The following ZC3H12B variants were observed in gnomAD, a reference collection of about 807,000 sequenced individuals.
ZC3H12B encodes the protein zinc finger CCCH-type containing 12B, also known as probable ribonuclease ZC3H12B.
In ZC3H12B, 7 loss-of-function variants were observed where a neutral mutation model predicts 43.9. The observed-to-expected ratio is 0.16, with a 90% CI of 0.09 to 0.30. ZC3H12B has a LOEUF of 0.30. Ranked by LOEUF, ZC3H12B falls within the 10% of genes least tolerant of loss-of-function variation. ZC3H12B has a pLI of 1.00. For synonymous variants in ZC3H12B, 222 were observed against 241.7 expected (o/e 0.92, Z 0.76); for missense variants, 475 against 670.2 (o/e 0.71, Z 3.22).
At chrX:65,177,601 G>A in the ZC3H12B span, among the ~76,000 whole-genome samples, 1 of 112,114 alleles carries the variant, frequency 8.9e-6, no homozygotes, top group South Asian at 3.7e-4. Flanking sequence ...CAAAATCAAT[G>A]TGCAAAAATC....
the ZC3H12B span, among the ~76,000 whole-genome samples, chrX:65,179,776 G>A: frequency 7.1e-4 from 79 of 111,591 alleles, no homozygotes; most frequent in African/African-American, 2.4e-3. Context: ...ATAAATATCT[G>A]GACATATACT....
At chrX:65,279,822 T>A in the ZC3H12B span, among the ~76,000 whole-genome samples, 2 of 111,991 alleles carry the variant, frequency 1.8e-5, no homozygotes, top group Non-Finnish European at 3.8e-5. Context: ...AAACTATGCA[T>A]CTTACAAAGG....
the ZC3H12B span, among the ~76,000 whole-genome samples, chrX:65,207,255 C>T: frequency 1.9e-5 from 2 of 107,196 alleles, no homozygotes; most frequent in African/African-American, 3.4e-5. Flanking sequence ...TATATATACA[C>T]ACACACACAC....
At chrX:65,116,401 G>C in the ZC3H12B span, among the ~76,000 whole-genome samples, 1 of 110,878 alleles carries the variant, frequency 9.0e-6, no homozygotes, top group Non-Finnish European at 1.9e-5. Flanking sequence ...TGTTCCATTG[G>C]TCTATGTGCC....
the ZC3H12B span, chrX:65,357,155 C>A: frequency 2.0e-5 from 9 of 456,029 alleles, no homozygotes; most frequent in Non-Finnish European, 3.2e-5. Context: ...CCTGAGGAGG[C>A]CATTTCTTCA....
chrX:65,212,322 T>TATATAATATATAATATAATTATTATA, the ZC3H12B span, among the ~76,000 whole-genome samples: 1 of 11,083 alleles, frequency 9.0e-5, no homozygotes, highest in Non-Finnish European at 1.6e-4. Context: ...ATTATTATAT[T>TATATAATATATAATATAATTATTATA]TATATTATAT....
chrX:65,146,728 C>G, the ZC3H12B span, among the ~76,000 whole-genome samples: 1 of 111,543 alleles, frequency 9.0e-6, no homozygotes, highest in Admixed American at 9.5e-5. Context: ...ATTATTATCT[C>G]TCCCCTGGAT....
At chrX:65,312,443 A>T in the ZC3H12B span, among the ~76,000 whole-genome samples, 1 of 109,886 alleles carries the variant, frequency 9.1e-6, no homozygotes, top group East Asian at 2.9e-4. Flanking sequence ...ACAGTAATGA[A>T]TCTGCACCTC....
chrX:65,318,377 C>CT, the ZC3H12B span, among the ~76,000 whole-genome samples: 1 of 106,844 alleles, frequency 9.4e-6, no homozygotes, highest in Non-Finnish European at 1.9e-5. Context: ...CTTCTTCCTT[C>CT]TTTTTCCTTC....
the ZC3H12B span, among the ~76,000 whole-genome samples, chrX:65,080,389 C>T: frequency 3.2e-4 from 35 of 109,292 alleles, no homozygotes; most frequent in Non-Finnish European, 4.0e-4. Context: ...TTATAGAACA[C>T]CAAGAAGATT....
At chrX:65,311,816 A>T in the ZC3H12B span, among the ~76,000 whole-genome samples, 1 of 111,723 alleles carries the variant, frequency 9.0e-6, no homozygotes, top group Non-Finnish European at 1.9e-5. Context: ...ATGCAGCCAT[A>T]AAAAAGGATG....
chrX:65,378,997 C>A (rs368786360), intron 2 of ZC3H12B, among the ~76,000 whole-genome samples: 3 of 112,183 alleles, frequency 2.7e-5, no homozygotes, highest in African/African-American at 9.7e-5. Context: ...CAGCAGTCTG[C>A]GATCAAACTG....
At chrX:65,067,205 C>T in the ZC3H12B span, among the ~76,000 whole-genome samples, 1 of 107,926 alleles carries the variant, frequency 9.3e-6, no homozygotes, top group Middle Eastern at 4.7e-3. Context: ...AAAACTCGTG[C>T]AGCTAACTCA....
chrX:65,412,560 G>T (rs1054614096), intron 3 of ZC3H12B, among the ~76,000 whole-genome samples: 2 of 111,200 alleles, frequency 1.8e-5, no homozygotes, highest in South Asian at 7.6e-4. Flanking sequence ...CTTGACCTCC[G>T]GGGCTCAATT....
the ZC3H12B span, among the ~76,000 whole-genome samples, chrX:65,213,622 T>C: frequency 1.8e-5 from 2 of 111,159 alleles, no homozygotes; most frequent in Non-Finnish European, 3.8e-5. Context: ...TTCTAGTTTT[T>C]TCTAGTCAGA....
intron 2 of ZC3H12B, among the ~76,000 whole-genome samples, chrX:65,370,213 G>A (rs188987657): frequency 3.6e-5 from 4 of 112,096 alleles, no homozygotes; most frequent in East Asian, 2.8e-4. Flanking sequence ...ATTTGTAGTC[G>A]CATCTTTAGT....
intron 3 of ZC3H12B, among the ~76,000 whole-genome samples, chrX:65,425,544 T>C (rs996251717): frequency 9.0e-5 from 10 of 111,478 alleles, no homozygotes; most frequent in Non-Finnish European, 1.7e-4. Context: ...GTGCAAGTTT[T>C]CAAGGAGAAT....
At chrX:65,073,552 A>T in the ZC3H12B span, among the ~76,000 whole-genome samples, 1 of 111,973 alleles carries the variant, frequency 8.9e-6, no homozygotes, top group African/African-American at 3.3e-5. Flanking sequence ...TTCAGGTATG[A>T]CAGTTCCCCT....
At chrX:65,127,008 G>A in the ZC3H12B span, among the ~76,000 whole-genome samples, 1 of 110,707 alleles carries the variant, frequency 9.0e-6, no homozygotes, top group Non-Finnish European at 1.9e-5. Context: ...GCAATTCAGA[G>A]ATTTAATCTT....
Sources: gnomAD v4.1 joint callset for allele counts (sites outside exome capture counted in the v4.1 genomes callset) on GRCh38, gnomAD v4.1.1 for gene constraint, MANE v1.5 for transcripts, NCBI Gene and HGNC (gene_info 2026-07-23, HGNC 2026-07-21) for gene names.